Variants in VCF2 observed in about 807,000 individuals in gnomAD.
The protein encoded by VCF2 is protein VCF2.
At chrX:55,154,749 G>A in the VCF2 span, among the ~76,000 whole-genome samples, 2,568 of 112,318 alleles carry the variant, frequency 0.023, 73 homozygotes, top group African/African-American at 0.079. Flanking sequence ...ACTTTGACTC[G>A]TGTGCATATG....
chrX:55,147,764 A>C, the VCF2 span, among the ~76,000 whole-genome samples: 1 of 108,095 alleles, frequency 9.3e-6, no homozygotes, highest in Non-Finnish European at 1.9e-5. Flanking sequence ...GTAGTGCAAC[A>C]CTAGGGTGAT....
chrX:55,155,792 TAGAAC>T, the VCF2 span, among the ~76,000 whole-genome samples: 1 of 111,070 alleles, frequency 9.0e-6, no homozygotes, highest in Non-Finnish European at 1.9e-5. Flanking sequence ...GAAGGATAAA[TAGAAC>T]TGAGGAGATG....
the VCF2 span, among the ~76,000 whole-genome samples, chrX:55,157,000 A>G: frequency 8.9e-6 from 1 of 112,446 alleles, no homozygotes; most frequent in East Asian, 2.8e-4. Context: ...AGATTAGGCC[A>G]TCTTTGAAAA....
chrX:55,145,527 G>A, the VCF2 span: 2 of 754,992 alleles, frequency 2.6e-6, no homozygotes, highest in South Asian at 6.7e-5. Context: ...ATTACAACTA[G>A]AGAGCAATTT....
At chrX:55,158,481 C>T in the VCF2 span, among the ~76,000 whole-genome samples, 2 of 110,965 alleles carry the variant, frequency 1.8e-5, no homozygotes, top group Non-Finnish European at 3.8e-5. Flanking sequence ...TTCAACAGTA[C>T]AGTAGGAAAA....
At chrX:55,149,375 T>C in the VCF2 span, among the ~76,000 whole-genome samples, 12 of 111,566 alleles carry the variant, frequency 1.1e-4, no homozygotes, top group South Asian at 3.7e-4. Flanking sequence ...TTACAGGGCG[T>C]TGACTCCTGG....
chrX:55,152,364 TTTG>T, the VCF2 span, among the ~76,000 whole-genome samples: 1 of 112,233 alleles, frequency 8.9e-6, no homozygotes, highest in Non-Finnish European at 1.9e-5. Context: ...CATCTTTTTG[TTTG>T]TTGTTTTCTT....
the VCF2 span, among the ~76,000 whole-genome samples, chrX:55,150,348 T>C: frequency 9.0e-6 from 1 of 111,488 alleles, no homozygotes; most frequent in Non-Finnish European, 1.9e-5. Flanking sequence ...CTCAGATCTT[T>C]AGGTATTAGA....
At chrX:55,160,753 C>T in the VCF2 span, 1 of 1,019,765 alleles carries the variant, frequency 9.8e-7, no homozygotes, top group Non-Finnish European at 1.3e-6. Context: ...CTAGCAGCCT[C>T]ACCGAGGAAA....
At chrX:55,150,967 T>C in the VCF2 span, among the ~76,000 whole-genome samples, 1 of 112,410 alleles carries the variant, frequency 8.9e-6, no homozygotes, top group Non-Finnish European at 1.9e-5. Context: ...ATTTGTAACA[T>C]TGTTTCTTTT....
At chrX:55,156,645 G>A in the VCF2 span, among the ~76,000 whole-genome samples, 3 of 112,184 alleles carry the variant, frequency 2.7e-5, no homozygotes, top group African/African-American at 9.7e-5. Flanking sequence ...CTGTGCTGAT[G>A]GGGTAAATAA....
the VCF2 span, among the ~76,000 whole-genome samples, chrX:55,160,083 T>TA: frequency 2.7e-5 from 3 of 111,847 alleles, no homozygotes; most frequent in Admixed American, 2.8e-4. Context: ...AAATGCCAAA[T>TA]AAAAAATCAC....
At chrX:55,148,368 T>C in the VCF2 span, among the ~76,000 whole-genome samples, 1 of 110,412 alleles carries the variant, frequency 9.1e-6, no homozygotes, top group African/African-American at 3.3e-5. Flanking sequence ...ATAATTTTTG[T>C]CTAATTCAAA....
the VCF2 span, among the ~76,000 whole-genome samples, chrX:55,150,779 T>C: frequency 1.8e-5 from 2 of 111,385 alleles, no homozygotes; most frequent in African/African-American, 6.5e-5. Flanking sequence ...TCTGATAACT[T>C]TGGAGACTGT....
At chrX:55,150,539 G>A in the VCF2 span, among the ~76,000 whole-genome samples, 1 of 111,787 alleles carries the variant, frequency 8.9e-6, no homozygotes, top group African/African-American at 3.3e-5. Flanking sequence ...CCGTGGACCA[G>A]TACCAGTCTG....
At chrX:55,145,808 G>A in the VCF2 span, 1 of 878,301 alleles carries the variant, frequency 1.1e-6, no homozygotes, top group Non-Finnish European at 1.4e-6. Context: ...TCAATGCACA[G>A]GAGAAGTTTC....
At chrX:55,145,720 C>A in the VCF2 span, 4 of 764,828 alleles carry the variant, frequency 5.2e-6, no homozygotes, top group Non-Finnish European at 6.2e-6. Context: ...TGAAGACTTA[C>A]TTGTATTTTA....
At chrX:55,144,590 A>ATGTGTG in the VCF2 span, among the ~76,000 whole-genome samples, 2,623 of 106,686 alleles carry the variant, frequency 0.025, 88 homozygotes, top group African/African-American at 0.085. Flanking sequence ...AACCATGAAA[A>ATGTGTG]TGTGTGTGTG....
At chrX:55,160,295 T>C in the VCF2 span, among the ~76,000 whole-genome samples, 1 of 112,611 alleles carries the variant, frequency 8.9e-6, no homozygotes, top group Non-Finnish European at 1.9e-5. Context: ...CATGGTGATG[T>C]TTGTCTTTGA....
Sources: gnomAD v4.1 joint callset for allele counts (sites outside exome capture counted in the v4.1 genomes callset) on GRCh38, gnomAD v4.1.1 for gene constraint, MANE v1.5 for transcripts, NCBI Gene and HGNC (gene_info 2026-07-23, HGNC 2026-07-21) for gene names.